The following PIK3CG variants were observed in gnomAD, a reference collection of about 807,000 sequenced individuals.
PIK3CG encodes the protein phosphatidylinositol-4,5-bisphosphate 3-kinase catalytic subunit gamma.
PIK3CG carries 55 observed loss-of-function variants against 102.3 expected under a neutral mutation model. That is an observed-to-expected ratio of 0.54 (90% CI 0.43 to 0.67). PIK3CG has a LOEUF of 0.67. Ranked by LOEUF, PIK3CG falls within the 30% of genes least tolerant of loss-of-function variation. The pLI is 0.00. For synonymous variants in PIK3CG, 552 were observed against 540.0 expected, an observed-to-expected ratio of 1.02 and a Z score of -0.31; for missense variants, 1,258 against 1,391.8, an observed-to-expected ratio of 0.90 and a Z score of 1.53.
At chr7:106,871,887 A>G (rs1450037252) in intron 2 of PIK3CG, among the ~76,000 whole-genome samples, 2 of 152,364 alleles carry the variant, frequency 1.3e-5, no homozygotes, top group East Asian at 1.9e-4. Context: ...ATCAAATTAT[A>G]CTTAAGAAAA....
In PIK3CG at chr7:106,897,834, G is replaced by A. The variant is rs896989459; in HGVS notation, c.3031-7275G>A. 3.9e-5 allele frequency among the ~76,000 whole-genome samples: 6 copies of A among 152,100 alleles called. No individual in the cohort carries two copies. Among genetic ancestry groups the A allele is most frequent in the Non-Finnish European group, 8.8e-5 (6 of 67,998 alleles). Reference sequence around the variant, plus strand: ...CTTTGCTATTGTGAATAGTGCTGCAGTGAATATTTCTGTACATGCGTTTTT... The same window carrying A: ...CTTTGCTATTGTGAATAGTGCTGCAATGAATATTTCTGTACATGCGTTTTT... On this transcript the variant is annotated intron_variant, in intron 10 of 10. Coordinates refer to ENST00000496166, the MANE Select transcript of PIK3CG (RefSeq NM_001282426.2). This position sits in a 1 kb window ranked among gnomAD's most constrained non-coding sequence, Gnocchi z 4.6.
chr7:106,895,470 G>C lies in PIK3CG; in HGVS notation c.3030+9178G>C, dbSNP rs1178676203. The stretch of plus-strand genomic sequence containing the variant: ...ACTGAGCGGGCAGGGCAGGTGCTCG[G>C]CTGTGCCCCCCAGGGTGAGAGAACC... On this transcript the variant is annotated intron_variant, in intron 10 of 10. Coordinates refer to ENST00000496166, the MANE Select transcript of PIK3CG (RefSeq NM_001282426.2). This position sits in a 1 kb window ranked among gnomAD's most constrained non-coding sequence, Gnocchi z 5.4. Among the ~76,000 whole-genome samples, 1 of 152,202 alleles carries C rather than the reference G, an allele frequency of 6.6e-6. No homozygotes were observed. Among genetic ancestry groups the C allele is most frequent in the Non-Finnish European group, 1.5e-5 (1 of 68,032 alleles).
chr7:106,869,400 A>T lies in PIK3CG; in HGVS notation c.1839A>T (p.Arg613Ser), dbSNP rs1790454454. The T allele has an allele frequency of 6.2e-7, 1 of 1,614,132 alleles. No individual in the cohort carries two copies. The highest frequency in any genetic ancestry group is 8.5e-7 in the Non-Finnish European group (1 of 1,180,052). ...CCAAAACATACCAATTGTTGGCCAG[A>T]AGGGAAGTCTGGGATCAAAGTGCTT... ...IVAKTYQLLA[R>S]REVWDQSALD... The change falls in exon 2 of 11, where the codon AGA (arginine) becomes AGT (serine). Residue 613 changes from arginine to serine, a missense_variant. Around this residue, in one of 2 missense-constraint regions of PIK3CG, gnomAD observed 426 missense variants for 604.2 expected, o/e 0.71. Transcript: ENST00000496166. The surrounding 1 kb of genome is among the most constrained non-coding windows in gnomAD (Gnocchi z 5.3).
chr7:106,890,191 G>C lies in PIK3CG; in HGVS notation c.3030+3899G>C, dbSNP rs560633233. Among the ~76,000 whole-genome samples the C allele has an allele frequency of 1.3e-5, 2 of 152,198 alleles. No individual in the cohort carries two copies. The highest frequency in any genetic ancestry group is 4.1e-4 in the South Asian group (2 of 4,830). Reference sequence around the variant, plus strand: ...TGTTTTTTATTGTTCTCGTTGTTTTGTTTTGTTTGAGACGGAGTCTCTCTC... The same window carrying C: ...TGTTTTTTATTGTTCTCGTTGTTTTCTTTTGTTTGAGACGGAGTCTCTCTC... On this transcript the variant is annotated intron_variant, in intron 10 of 10. Transcript: ENST00000496166. The surrounding 1 kb of genome is among the most constrained non-coding windows in gnomAD (Gnocchi z 4.2).
chr7:106,872,398 CT>C lies in PIK3CG; in HGVS notation c.1996-137del. ...GTGTCCTCTAACAGACAGGATTAAA[CT>C]TAAGTGACTGTTAAGATTTTCATCT... On this transcript the variant is annotated intron_variant, in intron 2 of 10. Coordinates refer to ENST00000496166, the MANE Select transcript of PIK3CG (RefSeq NM_001282426.2). This position sits in a 1 kb window ranked among gnomAD's most constrained non-coding sequence, Gnocchi z 5.3. The C allele has an allele frequency of 1.4e-6, 1 of 704,382 alleles. No individual in the cohort carries two copies. The highest frequency in any genetic ancestry group is 2.5e-6 in the Non-Finnish European group (1 of 402,306). The allele number at this position is 704,382 out of a possible 1,614,324, so 43.6% of individuals were successfully genotyped here. A position where few individuals can be genotyped will look rare whatever the true frequency, so the allele number is the denominator to read the frequency against.
In PIK3CG at chr7:106,903,942, G is replaced by T. The variant is rs1791625603; in HGVS notation, c.3031-1167G>T. On this transcript the variant is annotated intron_variant, in intron 10 of 10. Coordinates refer to ENST00000496166, the MANE Select transcript of PIK3CG (RefSeq NM_001282426.2). This position sits in a 1 kb window ranked among gnomAD's most constrained non-coding sequence, Gnocchi z 4.3. The stretch of plus-strand genomic sequence containing the variant: ...CCCAGCTAATTTTTTTGTATTTTTA[G>T]TAGAGACGGGGTTTCATCATGTTGG... Among the ~76,000 whole-genome samples the T allele has an allele frequency of 6.6e-6, 1 of 151,740 alleles. No individual in the cohort carries two copies. The highest frequency in any genetic ancestry group is 2.4e-5 in the African/African-American group (1 of 41,286).
At position 106,868,708 on chromosome 7, in the gene PIK3CG, G is replaced by C. The variant is rs1790416308; in HGVS notation, c.1147G>C (p.Val383Leu). The C allele has an allele frequency of 4.3e-6, 7 of 1,614,230 alleles. No individual in the cohort carries two copies. Among genetic ancestry groups the C allele is most frequent in the Non-Finnish European group, 5.1e-6 (6 of 1,180,046 alleles). Residue 383 changes from valine to leucine, a missense_variant, in exon 2 of 11, where the codon GTA becomes CTA. Physicochemically the swap from Val to Leu is conservative, Grantham distance 32. This residue lies in a region of PIK3CG where 832 missense variants were observed against 787.5 expected (regional missense o/e 1.06). Transcript: ENST00000496166. This position sits in a 1 kb window ranked among gnomAD's most constrained non-coding sequence, Gnocchi z 6.2. ...LPRNTDLTVF[V>L]EANIQHGQQV... The stretch of plus-strand genomic sequence containing the variant: ...TCGGAACACCGACCTCACAGTTTTT[G>C]TAGAGGCAAACATCCAGCATGGGCA...
At position 106,907,895 on chromosome 7, in the gene PIK3CG, T is replaced by C. The variant is rs887170852; in HGVS notation, c.*2508T>C. On this transcript the variant is annotated 3_prime_UTR_variant, in exon 11 of 11. Transcript: ENST00000496166. ...TGATTCTTCCGTATTCCAAAGAGCA[T>C]AATTTCAGTTCTATAGACTTATAGA... 6.7e-6 allele frequency among the ~76,000 whole-genome samples: 1 copy of C among 149,870 alleles called. No homozygotes were observed. The highest frequency in any genetic ancestry group is 2.4e-5 in the African/African-American group (1 of 40,980).
In PIK3CG at chr7:106,877,500, T is replaced by C. The variant is rs769476252; in HGVS notation, c.2392-2019T>C. Reference sequence around the variant, plus strand: ...AAGGGTTATGGTTTTAATTCTTACATTGAAGTCTGCAATCCAATTTGAGTT... The same window carrying C: ...AAGGGTTATGGTTTTAATTCTTACACTGAAGTCTGCAATCCAATTTGAGTT... On this transcript the variant is annotated intron_variant, in intron 5 of 10. Coordinates refer to ENST00000496166, the MANE Select transcript of PIK3CG (RefSeq NM_001282426.2). This position sits in a 1 kb window ranked among gnomAD's most constrained non-coding sequence, Gnocchi z 4.5. Among the ~76,000 whole-genome samples the C allele has an allele frequency of 2.0e-5, 3 of 152,232 alleles. No homozygotes were observed. The highest frequency in any genetic ancestry group is 4.4e-5 in the Non-Finnish European group (3 of 68,038).
At chr7:106,882,943 T>A (rs1434790520) in intron 7 of PIK3CG, 90 bp from the exon 8 acceptor site, 11 of 762,768 alleles carry the variant, frequency 1.4e-5, no homozygotes, top group Non-Finnish European at 2.2e-5. Flanking sequence ...AAAAACCCTC[T>A]GCCCTTCACT....
chr7:106,882,998 C>G (rs2116543026), intron 7 of PIK3CG, 35 bp from the exon 8 acceptor site: 1 of 1,610,116 alleles, frequency 6.2e-7, no homozygotes, highest in Admixed American at 1.7e-5. Context: ...GTACTGGCCC[C>G]CAATCTCCAT....
Position 106,892,455 on chromosome 7 carries a change from A to G in PIK3CG, c.3030+6163A>G, listed in dbSNP as rs1791289790. On this transcript the variant is annotated intron_variant, in intron 10 of 10. Coordinates refer to ENST00000496166, the MANE Select transcript of PIK3CG (RefSeq NM_001282426.2). The surrounding 1 kb of genome is among the most constrained non-coding windows in gnomAD (Gnocchi z 5.2). ...CAGGTACTGCCTTTGGCAAGGCAAGATATTTTCCCAGTTTGGCCCCTTTCA... is the reference window on the plus strand; with the variant it reads ...CAGGTACTGCCTTTGGCAAGGCAAGGTATTTTCCCAGTTTGGCCCCTTTCA... Among the ~76,000 whole-genome samples, 3 of 152,250 alleles carry G rather than the reference A, an allele frequency of 2.0e-5. No homozygotes were observed. The highest frequency in any genetic ancestry group is 2.0e-4 in the Admixed American group (3 of 15,284).
rs2116425165 is a variant in PIK3CG at position 106,867,902 on chromosome 7, A to C, written c.341A>C (p.Gln114Pro). The change falls in exon 2 of 11, where the codon CAG becomes CCG. Residue 114 changes from glutamine to proline, a missense_variant. Transcript: ENST00000496166. This position sits in a 1 kb window ranked among gnomAD's most constrained non-coding sequence, Gnocchi z 5.1. ...GQWYEIYDKY[Q>P]VVQTLDCLRY... is the part of the protein sequence containing the mutation. ...TGGTACGAGATCTACGACAAGTACC[A>C]GGTGGTGCAGACTCTGGACTGCCTG... 1 of 1,613,258 alleles carries C rather than the reference A, an allele frequency of 6.2e-7. No individual in the cohort carries two copies. Among genetic ancestry groups the C allele is most frequent in the Non-Finnish European group, 8.5e-7 (1 of 1,179,956 alleles).
At chr7:106,886,024 TA>T in intron 9 of PIK3CG, 110 bp from the exon 10 acceptor site, 1 of 942,190 alleles carries the variant, frequency 1.1e-6, no homozygotes, top group Non-Finnish European at 1.6e-6. Flanking sequence ...ACAAACATTG[TA>T]AAAAATGCTT....
rs1355038664 is a variant in PIK3CG, at chr7:106,867,983, A to C, written c.422A>C (p.His141Pro). 1.9e-6 allele frequency: 3 copies of C among 1,612,026 alleles called. No homozygotes were observed. Among genetic ancestry groups the C allele is most frequent in the Non-Finnish European group, 2.5e-6 (3 of 1,179,180 alleles). ...SPGQIHLVQR[H>P]PPSEESQAFQ... The stretch of plus-strand genomic sequence containing the variant: ...GGCCAGATCCACCTGGTGCAGCGGC[A>C]CCCGCCCTCCGAGGAGTCCCAAGCC... The change falls in exon 2 of 11, where the codon CAC becomes CCC. Residue 141 changes from histidine (H) to proline (P), a missense_variant. Transcript: ENST00000496166. This position sits in a 1 kb window ranked among gnomAD's most constrained non-coding sequence, Gnocchi z 5.1.
In PIK3CG at chr7:106,872,769, C is replaced by T. The variant is rs2116486568; in HGVS notation, c.2118C>T (p.Ser706=). The change falls in exon 4 of 11, where the codon TCC becomes TCT. Residue 706 remains serine, a synonymous_variant. Transcript: ENST00000496166. The surrounding 1 kb of genome is among the most constrained non-coding windows in gnomAD (Gnocchi z 5.3). ...FWFLRSEIAQ[S]RHYQQRFAVI... Reference sequence around the variant, plus strand: ...TCTTGAGAAGTGAGATAGCCCAGTCCAGACACTATCAGCAGAGGTTCGCTG... The same window carrying T: ...TCTTGAGAAGTGAGATAGCCCAGTCTAGACACTATCAGCAGAGGTTCGCTG... The T allele has an allele frequency of 3.1e-6, 5 of 1,614,168 alleles. No homozygotes were observed. Among genetic ancestry groups the T allele is most frequent in the Non-Finnish European group, 4.2e-6 (5 of 1,180,026 alleles).
intron 10 of PIK3CG, among the ~76,000 whole-genome samples, chr7:106,900,131 T>C (rs1252185531): frequency 6.6e-6 from 1 of 152,170 alleles, no homozygotes; most frequent in Non-Finnish European, 1.5e-5. Context: ...GGTTTTCTAG[T>C]TTGTGTGCAT....
rs1790461078 is a variant in PIK3CG, at chr7:106,869,586, C to T, written c.1995+30C>T. On this transcript the variant is annotated intron_variant, in intron 2 of 10. Transcript: ENST00000496166. This position sits in a 1 kb window ranked among gnomAD's most constrained non-coding sequence, Gnocchi z 5.3. ...GGGATGTTGGTGTTATCAATGGAAG[C>T]CTTCTCAAAAGGAATTGATTTGCAT... 1 of 1,524,472 alleles carries T rather than the reference C, an allele frequency of 6.6e-7. No homozygotes were observed. The highest frequency in any genetic ancestry group is 8.9e-7 in the Non-Finnish European group (1 of 1,127,706). 94.4% of individuals were successfully genotyped at this position (1,524,472 alleles called of 1,614,324 possible). A position where few individuals can be genotyped will look rare whatever the true frequency, so the allele number is the denominator to read the frequency against.
intron 1 of PIK3CG, 72 bp downstream of exon 1, chr7:106,865,498 AT>A (rs1478180077): frequency 3.3e-5 from 5 of 152,086 alleles, no homozygotes; most frequent in African/African-American, 9.7e-5. Flanking sequence ...TCTCGGCTAG[AT>A]TATCTGAAAC....
Sources: allele counts gnomAD v4.1 joint callset (sites outside exome capture counted in the v4.1 genomes callset), GRCh38; gene constraint gnomAD v4.1.1; regional missense constraint gnomAD v4.1.1; non-coding constraint Gnocchi (gnomAD v3.1); transcripts MANE v1.5; gene names NCBI Gene and HGNC (gene_info 2026-07-23, HGNC 2026-07-21).